The following ACCSL variants were observed in gnomAD, a reference collection of about 807,000 sequenced individuals.
ACCSL encodes probable inactive 1-aminocyclopropane-1-carboxylate synthase-like protein 2.
ACCSL carries 55 observed loss-of-function variants against 61.7 expected under a neutral mutation model. The observed-to-expected ratio is 0.89, with a 90% CI of 0.72 to 1.12. ACCSL has a LOEUF of 1.12. Among genes scored for constraint, ACCSL ranks in the 50% most tolerant of loss-of-function variants. The probability of loss-of-function intolerance (pLI) is 0.00; values close to 1 mark genes in which losing one functional copy is unlikely to be tolerated. For synonymous variants in ACCSL, 258 were observed against 264.3 expected, an observed-to-expected ratio of 0.98 and a Z score of 0.23; for missense variants, 632 against 698.0, an observed-to-expected ratio of 0.91 and a Z score of 1.07.
the ACCSL span, among the ~76,000 whole-genome samples, chr11:44,017,893 G>A: frequency 1.3e-5 from 2 of 152,114 alleles, no homozygotes; most frequent in African/African-American, 4.8e-5. Context: ...TGGGAAGAGA[G>A]GGGTGGAAGT....
rs555806380 is a variant in ACCSL, at chr11:44,058,704, G to A, written c.1624+5G>A. 44 of 1,608,036 alleles carry A rather than the reference G, an allele frequency of 2.7e-5. No individual in the cohort carries two copies. Among genetic ancestry groups the A allele is most frequent in the Admixed American group, 2.5e-4 (15 of 59,668 alleles). ...AGCTCCCCCGGCTAAAATTGGGTGAGTGGAGCTGACCTCCCAATCCTTTAA... is the reference window on the plus strand; with the variant it reads ...AGCTCCCCCGGCTAAAATTGGGTGAATGGAGCTGACCTCCCAATCCTTTAA... On this transcript the variant is annotated splice_donor_5th_base_variant and intron_variant, in intron 13 of 13. Coordinates refer to ENST00000378832, the MANE Select transcript of ACCSL (RefSeq NM_001031854.2).
rs368188027 is a variant in ACCSL at position 44,056,226 on chromosome 11, C to T, written c.1227C>T (p.Thr409=). 5 of 1,614,128 alleles carry T rather than the reference C, an allele frequency of 3.1e-6. 1 individual carries two copies. Among genetic ancestry groups the T allele is most frequent in the East Asian group, 4.5e-5 (2 of 44,882 alleles). The stretch of plus-strand genomic sequence containing the variant: ...GCTTCCGCTTTGGTGCTCTGTATAC[C>T]CACAACAAGGAGGTGGCCTCTGCTG... The part of the protein sequence containing the change: ...ISGFRFGALY[T]HNKEVASAVS... Residue 409 remains threonine, a synonymous_variant, in exon 11 of 14, where the codon ACC becomes ACT. Transcript: ENST00000378832.
upstream of ACCSL, among the ~76,000 whole-genome samples, chr11:44,045,955 C>A (rs1952594694): frequency 6.6e-6 from 1 of 152,134 alleles, no homozygotes. Flanking sequence ...AGGGAGGTTA[C>A]CACCCCGATC....
At chr11:43,992,152 A>G in the ACCSL span, among the ~76,000 whole-genome samples, 3 of 150,686 alleles carry the variant, frequency 2.0e-5, no homozygotes, top group East Asian at 2.0e-4. Context: ...CCTGGGCCCA[A>G]GGGATCCTCC....
At chr11:43,930,069 G>A in the ACCSL span, among the ~76,000 whole-genome samples, 1 of 152,196 alleles carries the variant, frequency 6.6e-6, no homozygotes, top group African/African-American at 2.4e-5. Flanking sequence ...CTGAGAGGAA[G>A]GCACTCCCGA....
chr11:43,991,845 G>A, the ACCSL span, among the ~76,000 whole-genome samples: 1 of 151,920 alleles, frequency 6.6e-6, no homozygotes, highest in Admixed American at 6.6e-5. Context: ...CACCAGCCCA[G>A]GATCTAATGA....
the ACCSL span, among the ~76,000 whole-genome samples, chr11:44,028,298 A>G: frequency 6.6e-6 from 1 of 152,070 alleles, no homozygotes; most frequent in Non-Finnish European, 1.5e-5. Flanking sequence ...CAAGCCCTCA[A>G]TTCTGACATT....
the ACCSL span, among the ~76,000 whole-genome samples, chr11:44,023,113 C>T: frequency 7.2e-6 from 1 of 138,846 alleles, no homozygotes. Context: ...GTGGCACCAT[C>T]ATGGCTCACT....
chr11:44,043,867 A>G (rs944296018), upstream of ACCSL, among the ~76,000 whole-genome samples: 2 of 152,190 alleles, frequency 1.3e-5, no homozygotes, highest in African/African-American at 2.4e-5. Flanking sequence ...TTATTTTAAT[A>G]AATTTTAATT....
chr11:43,968,536 T>A, the ACCSL span, among the ~76,000 whole-genome samples: 1 of 152,252 alleles, frequency 6.6e-6, no homozygotes, highest in Non-Finnish European at 1.5e-5. Context: ...AAGAAGAAGA[T>A]ATTTGCTGCC....
At chr11:44,001,710 G>C in the ACCSL span, among the ~76,000 whole-genome samples, 2 of 151,472 alleles carry the variant, frequency 1.3e-5, no homozygotes, top group South Asian at 2.1e-4. Context: ...TACAGAAAAG[G>C]AGGCCAGCCT....
chr11:43,952,366 C>T, the ACCSL span, among the ~76,000 whole-genome samples: 3 of 152,166 alleles, frequency 2.0e-5, no homozygotes, highest in Non-Finnish European at 4.4e-5. Flanking sequence ...GAGGAGACCA[C>T]CCCTCATATT....
At chr11:43,952,645 C>T in the ACCSL span, among the ~76,000 whole-genome samples, 3 of 152,164 alleles carry the variant, frequency 2.0e-5, no homozygotes, top group Admixed American at 1.3e-4. Flanking sequence ...CCCTCTCACG[C>T]GGACCCTCTT....
chr11:43,991,040 T>C, the ACCSL span, among the ~76,000 whole-genome samples: 1,806 of 151,760 alleles, frequency 0.012, 17 homozygotes, highest in East Asian at 0.03. Flanking sequence ...CACTGCACTC[T>C]AGCCTGGGCA....
At chr11:44,014,834 A>T in the ACCSL span, among the ~76,000 whole-genome samples, 1 of 152,184 alleles carries the variant, frequency 6.6e-6, no homozygotes, top group Non-Finnish European at 1.5e-5. Context: ...CTGGTGAGAG[A>T]AAAAGGTATG....
the ACCSL span, among the ~76,000 whole-genome samples, chr11:44,036,300 G>A: frequency 6.6e-6 from 1 of 152,356 alleles, no homozygotes; most frequent in South Asian, 2.1e-4. Flanking sequence ...AATCTGTGAA[G>A]AGAATACTCT....
chr11:43,933,153 C>T, the ACCSL span: 80 of 456,128 alleles, frequency 1.8e-4, no homozygotes, highest in Non-Finnish European at 2.2e-5. Context: ...TAAGGTAAGT[C>T]CCTCAGGCTT....
the ACCSL span, among the ~76,000 whole-genome samples, chr11:44,031,690 G>A: frequency 6.6e-6 from 1 of 152,208 alleles, no homozygotes; most frequent in African/African-American, 2.4e-5. Flanking sequence ...AAGAAAGGTT[G>A]AGTCAGGCTG....
the ACCSL span, among the ~76,000 whole-genome samples, chr11:44,000,725 A>AAAAGAAAG: frequency 0.097 from 14,238 of 146,668 alleles, 1,046 homozygotes; most frequent in African/African-American, 0.2. Context: ...TCTGCCTCAA[A>AAAAGAAAG]AAAGAAAGAA....
Sources: allele counts gnomAD v4.1 joint callset (sites outside exome capture counted in the v4.1 genomes callset), GRCh38; gene constraint gnomAD v4.1.1; transcripts MANE v1.5; gene names NCBI Gene and HGNC (gene_info 2026-07-23, HGNC 2026-07-21).